The following MCC variants were observed in gnomAD, a reference collection of about 807,000 sequenced individuals.
MCC encodes the protein MCC regulator of Wnt signaling pathway.
A neutral mutation model predicts 116.2 loss-of-function variants in MCC; 90 were observed. The ratio of observed to expected loss-of-function variants is 0.77; its 90% CI spans 0.65 to 0.92. The LOEUF is 0.92. MCC is among the 40% of genes least tolerant of loss of function. The pLI is 0.00. For synonymous variants in MCC, 578 were observed against 510.5 expected, an observed-to-expected ratio of 1.13 and a Z score of -1.78; for missense variants, 1,516 against 1,312.2, an observed-to-expected ratio of 1.16 and a Z score of -2.40.
intron 4 of MCC, among the ~76,000 whole-genome samples, chr5:113,143,950 T>G (rs1192943271): frequency 6.6e-6 from 1 of 152,204 alleles, no homozygotes; most frequent in Non-Finnish European, 1.5e-5. Flanking sequence ...CTGGATGGAT[T>G]ATCTGCAAAT....
chr5:113,260,586 C>A (rs1014754770), intron 3 of MCC, among the ~76,000 whole-genome samples: 2 of 152,076 alleles, frequency 1.3e-5, no homozygotes, highest in Non-Finnish European at 2.9e-5. Context: ...TAGTTAATTA[C>A]AATATGGAAT....
At chr5:113,463,158 G>C (rs6883441) in intron 1 of MCC, among the ~76,000 whole-genome samples, 2 of 152,020 alleles carry the variant, frequency 1.3e-5, no homozygotes, top group East Asian at 3.9e-4. Flanking sequence ...CAGAAAAGAA[G>C]AGAGTGGTTG....
chr5:113,117,567 C>T (rs1191420858), intron 6 of MCC, among the ~76,000 whole-genome samples: 3 of 152,120 alleles, frequency 2.0e-5, no homozygotes, highest in Admixed American at 6.5e-5. Flanking sequence ...AATTTCTCAC[C>T]CAAAATCAGA....
chr5:113,216,542 G>C (rs1763323027), intron 3 of MCC, among the ~76,000 whole-genome samples: 1 of 152,190 alleles, frequency 6.6e-6, no homozygotes, highest in Admixed American at 6.5e-5. Context: ...ACATAATTCA[G>C]CACAGTGACA....
chr5:113,285,661 C>G (rs541515559), intron 3 of MCC, among the ~76,000 whole-genome samples: 4 of 152,162 alleles, frequency 2.6e-5, no homozygotes, highest in Non-Finnish European at 5.9e-5. Flanking sequence ...TTCACAGACT[C>G]CCACAGTGAA....
In MCC at chr5:113,434,420, G is replaced by A; in HGVS notation, c.171-49208C>T. The A allele has an allele frequency of 9.3e-6, 15 of 1,613,992 alleles. No homozygotes were observed. The highest frequency in any genetic ancestry group is 1.3e-5 in the Non-Finnish European group (15 of 1,180,020). On this transcript the variant is annotated intron_variant, in intron 1 of 18. Coordinates refer to ENST00000408903, the MANE Select transcript of MCC (RefSeq NM_001085377.2). This position sits in a 1 kb window ranked among gnomAD's most constrained non-coding sequence, Gnocchi z 4.2. ...TGAAGTCCTTGTCAAGGAGAAGGTT[G>A]TCACACTTGAGGTCCCGGTGGACGA... is the stretch of plus-strand genomic sequence containing the variant.
intron 6 of MCC, among the ~76,000 whole-genome samples, chr5:113,109,754 T>C (rs577191985): frequency 4.6e-5 from 7 of 152,270 alleles, no homozygotes; most frequent in African/African-American, 1.7e-4. Flanking sequence ...TGGCAGCACA[T>C]TCAGAAAGGA....
intron 1 of MCC, among the ~76,000 whole-genome samples, chr5:113,447,734 A>C (rs112580424): frequency 0.035 from 5,322 of 152,046 alleles, 137 homozygotes; most frequent in African/African-American, 0.069. Flanking sequence ...CTCTCTCTCC[A>C]TCTCTGCTCT....
Position 113,483,574 on chromosome 5 carries a change from C to G in MCC, c.170+4671G>C, listed in dbSNP as rs1225610807. On this transcript the variant is annotated intron_variant, in intron 1 of 18. Transcript: ENST00000408903. Reference sequence around the variant, plus strand: ...TCCAAATTTTCAACAACAAGAGTATCTTTTATATAACCCAAAAGAAGTTAT... The same window carrying G: ...TCCAAATTTTCAACAACAAGAGTATGTTTTATATAACCCAAAAGAAGTTAT... Among the ~76,000 whole-genome samples the G allele has an allele frequency of 3.3e-5, 5 of 152,118 alleles. No individual in the cohort carries two copies. In the East Asian group the frequency reaches 7.7e-4, roughly 23 times the overall value.
At chr5:113,034,407 A>C (rs902461127) in intron 17 of MCC, among the ~76,000 whole-genome samples, 2 of 152,224 alleles carry the variant, frequency 1.3e-5, no homozygotes, top group East Asian at 3.8e-4. Flanking sequence ...GTGAGCCATC[A>C]GTAAGGAGGT....
chr5:113,053,154 A>G (rs6594668), intron 15 of MCC, among the ~76,000 whole-genome samples: 148,832 of 152,192 alleles, frequency 0.98, 72,782 homozygotes, highest in East Asian at 1. Flanking sequence ...CTGTAGAAAT[A>G]CCAGCAGGTA....
chr5:113,245,068 G>A (rs897403769), intron 3 of MCC, among the ~76,000 whole-genome samples: 1 of 152,104 alleles, frequency 6.6e-6, no homozygotes, highest in Admixed American at 6.5e-5. Flanking sequence ...GAGGCAGGCA[G>A]ATCACCTGAG....
At position 113,043,283 on chromosome 5, in the gene MCC, A is replaced by T. The variant is rs1580906892; in HGVS notation, c.2756+247T>A. 3.3e-5 allele frequency among the ~76,000 whole-genome samples: 5 copies of T among 152,336 alleles called. No homozygotes were observed. The South Asian group carries it at 1.0e-3, about 32-fold the overall frequency. ...CAATGCAACAACATAACAGAAAAGGAAAGGAAGAGGAATTTTCCTATTCAC... is the reference window on the plus strand; with the variant it reads ...CAATGCAACAACATAACAGAAAAGGTAAGGAAGAGGAATTTTCCTATTCAC... On this transcript the variant is annotated intron_variant, in intron 17 of 18. Transcript: ENST00000408903.
chr5:113,470,146 C>T (rs1433186192), intron 1 of MCC, among the ~76,000 whole-genome samples: 2 of 151,664 alleles, frequency 1.3e-5, no homozygotes, highest in East Asian at 3.9e-4. Context: ...ATTTGCCAGT[C>T]TGTGTCTTTT....
At chr5:113,339,408 A>AGTGT (rs60886614) in intron 3 of MCC, among the ~76,000 whole-genome samples, 1,275 of 123,632 alleles carry the variant, frequency 0.01, 18 homozygotes, top group African/African-American at 0.023. Context: ...AGGCTTCCTT[A>AGTGT]GTGTGTGTGT....
chr5:113,177,583 T>C (rs895100212), intron 3 of MCC, among the ~76,000 whole-genome samples: 7 of 152,210 alleles, frequency 4.6e-5, no homozygotes, highest in African/African-American at 7.2e-5. Context: ...CTTATGATGA[T>C]AAACAATGTT....
intron 1 of MCC, among the ~76,000 whole-genome samples, chr5:113,487,977 T>C (rs1432754641): frequency 1.3e-5 from 2 of 151,930 alleles, no homozygotes; most frequent in Non-Finnish European, 2.9e-5. Context: ...CCCGGAAGAG[T>C]GCGCATCCTA....
At position 113,022,574 on chromosome 5, in the gene MCC, C is replaced by T. The variant is rs1358929066; in HGVS notation, c.*4728G>A. On this transcript the variant is annotated 3_prime_UTR_variant, in exon 19 of 19. Transcript: ENST00000408903. ...TTACGTTCTAACAAAAGCAGATTAT[C>T]AGGGGCTCTTACTCACTTGCCATTC... 6.6e-6 allele frequency: 1 copy of T among 152,144 alleles called. No individual in the cohort carries two copies. The highest frequency in any genetic ancestry group is 6.5e-5 in the Admixed American group (1 of 15,274). 9.4% of individuals were successfully genotyped at this position (152,144 alleles called of 1,614,324 possible).
intron 1 of MCC, among the ~76,000 whole-genome samples, chr5:113,482,754 C>T (rs1022640345): frequency 3.9e-5 from 6 of 151,970 alleles, no homozygotes; most frequent in Admixed American, 3.3e-4. Flanking sequence ...AAAAAATTTG[C>T]GGAAGCCTAA....
Sources: gnomAD v4.1 joint callset for allele counts (sites outside exome capture counted in the v4.1 genomes callset) on GRCh38, gnomAD v4.1.1 for gene constraint, Gnocchi (gnomAD v3.1) non-coding constraint, MANE v1.5 for transcripts, NCBI Gene and HGNC (gene_info 2026-07-23, HGNC 2026-07-21) for gene names.